Variants in DAB1 observed in about 807,000 individuals in gnomAD.
DAB1 encodes the protein DAB adaptor protein 1.
DAB1 carries 15 observed loss-of-function variants against 64.6 expected under a neutral mutation model. The observed-to-expected ratio is 0.23, with a 90% CI of 0.16 to 0.36. The LOEUF is 0.36. Among genes scored for constraint, DAB1 ranks in the 10% least tolerant of loss-of-function variants. DAB1 has a pLI of 1.00. For synonymous variants in DAB1, 235 were observed against 251.9 expected, an observed-to-expected ratio of 0.93 and a Z score of 0.64; for missense variants, 596 against 706.7, an observed-to-expected ratio of 0.84 and a Z score of 1.78.
chr1:57,237,976 G>C (rs545153330), intron 2 of DAB1, among the ~76,000 whole-genome samples: 125 of 152,144 alleles, frequency 8.2e-4, no homozygotes, highest in Non-Finnish European at 1.3e-3. Context: ...CAAGAAGATG[G>C]GGAACCAAGC....
chr1:57,838,872 G>A (rs1652927960), intron 1 of DAB1, among the ~76,000 whole-genome samples: 1 of 151,624 alleles, frequency 6.6e-6, no homozygotes, highest in African/African-American at 2.4e-5. Flanking sequence ...GAGGTCCTGG[G>A]CTCAAGCAAT....
At chr1:57,072,979 A>C (rs1651650499) in intron 4 of DAB1, among the ~76,000 whole-genome samples, 1 of 152,194 alleles carries the variant, frequency 6.6e-6, no homozygotes, top group African/African-American at 2.4e-5. Context: ...TGCATATCTC[A>C]GGCTTTTCAT....
intron 7 of DAB1, among the ~76,000 whole-genome samples, chr1:57,520,826 G>A (rs1280740337): frequency 6.6e-6 from 1 of 152,022 alleles, no homozygotes; most frequent in Non-Finnish European, 1.5e-5. Flanking sequence ...AGGCTGGAAA[G>A]TCAGGGAAAG....
At chr1:57,487,748 G>C (rs1644110076) in intron 7 of DAB1, among the ~76,000 whole-genome samples, 1 of 152,144 alleles carries the variant, frequency 6.6e-6, no homozygotes, top group Admixed American at 6.5e-5. Flanking sequence ...TACACTCTAT[G>C]ATGTTTGTAT....
intron 7 of DAB1, among the ~76,000 whole-genome samples, chr1:57,552,826 T>C (rs986270104): frequency 4.6e-5 from 7 of 152,048 alleles, no homozygotes; most frequent in Non-Finnish European, 5.9e-5. Context: ...AGAGGCCTGA[T>C]GGGGGAAGAA....
intron 7 of DAB1, among the ~76,000 whole-genome samples, chr1:57,635,926 A>T (rs1393130059): frequency 3.3e-5 from 5 of 151,666 alleles, no homozygotes; most frequent in Admixed American, 6.6e-5. Flanking sequence ...AAACCCCGTC[A>T]CTACTAAAAA....
At chr1:58,145,338 T>C (rs558544011) in intron 5 of DAB1, among the ~76,000 whole-genome samples, 5 of 152,296 alleles carry the variant, frequency 3.3e-5, no homozygotes, top group African/African-American at 1.2e-4. Context: ...TTTTGTTGAA[T>C]TGAACTGGTG....
At chr1:58,368,423 A>G (rs923772306) in intron 3 of DAB1, among the ~76,000 whole-genome samples, 9 of 152,300 alleles carry the variant, frequency 5.9e-5, no homozygotes, top group Middle Eastern at 3.4e-3. Context: ...CTAGCAGAAG[A>G]GCTGGGCAAG....
At chr1:58,438,975 G>A (rs980698061) in intron 3 of DAB1, among the ~76,000 whole-genome samples, 1 of 152,142 alleles carries the variant, frequency 6.6e-6, no homozygotes, top group Non-Finnish European at 1.5e-5. Flanking sequence ...TGTGACGTAG[G>A]GAGGGTGGCA....
At chr1:57,539,138 C>T (rs901885723) in intron 7 of DAB1, among the ~76,000 whole-genome samples, 15 of 152,190 alleles carry the variant, frequency 9.9e-5, no homozygotes, top group African/African-American at 3.6e-4. Flanking sequence ...GAATCAATAT[C>T]AGCTCAGCCA....
intron 3 of DAB1, among the ~76,000 whole-genome samples, chr1:58,496,935 A>G (rs1645812570): frequency 6.6e-6 from 1 of 152,154 alleles, no homozygotes; most frequent in Non-Finnish European, 1.5e-5. Context: ...TGCTGGCCAC[A>G]AGGAAGAAAA....
At chr1:57,212,610 A>G (rs989753128) in intron 2 of DAB1, among the ~76,000 whole-genome samples, 1 of 151,200 alleles carries the variant, frequency 6.6e-6, no homozygotes, top group Non-Finnish European at 1.5e-5. Context: ...CTCGTGACCC[A>G]CCCGCCTCGG....
chr1:57,619,485 C>T (rs926803311), intron 7 of DAB1, among the ~76,000 whole-genome samples: 1 of 152,146 alleles, frequency 6.6e-6, no homozygotes, highest in African/African-American at 2.4e-5. Context: ...ACTGAAGCCT[C>T]AAACTCCTGG....
intron 1 of DAB1, among the ~76,000 whole-genome samples, chr1:57,313,808 T>C (rs932157573): frequency 6.6e-6 from 1 of 152,212 alleles, no homozygotes; most frequent in African/African-American, 2.4e-5. Flanking sequence ...CCTAGGATGA[T>C]GGAATTTGGA....
intron 4 of DAB1, among the ~76,000 whole-genome samples, chr1:58,155,811 G>A (rs1402538603): frequency 1.3e-5 from 2 of 152,176 alleles, no homozygotes; most frequent in Admixed American, 6.5e-5. Context: ...TAGCAGGCAC[G>A]TATTCAATAA....
At chr1:57,135,619 C>CT (rs1224577880) in intron 4 of DAB1, among the ~76,000 whole-genome samples, 1 of 152,046 alleles carries the variant, frequency 6.6e-6, no homozygotes, top group Non-Finnish European at 1.5e-5. Context: ...TTTTCTATAC[C>CT]TTTTTTCTTC....
intron 2 of DAB1, among the ~76,000 whole-genome samples, chr1:58,522,534 T>G (rs1400679709): frequency 6.6e-6 from 1 of 152,174 alleles, no homozygotes; most frequent in African/African-American, 2.4e-5. Context: ...TCACCAACTT[T>G]GTACTAAAGT....
rs190812747 is a variant in DAB1 at position 57,168,017 on chromosome 1, G to A, written c.68-22588C>T. On this transcript the variant is annotated intron_variant, in intron 2 of 14. Transcript: ENST00000371236. Reference sequence around the variant, plus strand: ...TCTTCTTTTCCTTAAAATCCCCCTAGCAGAGATTGTAAAAGTTGCAGATAA... The same window carrying A: ...TCTTCTTTTCCTTAAAATCCCCCTAACAGAGATTGTAAAAGTTGCAGATAA... 2.0e-5 allele frequency among the ~76,000 whole-genome samples: 3 copies of A among 152,224 alleles called. No homozygotes were observed. In the East Asian group the frequency reaches 5.8e-4, roughly 29 times the overall value.
chr1:58,499,019 T>G (rs531006123), intron 3 of DAB1, among the ~76,000 whole-genome samples: 1 of 152,214 alleles, frequency 6.6e-6, no homozygotes, highest in South Asian at 2.1e-4. Context: ...AACAAACCTA[T>G]AAAAACATTT....
Sources: gnomAD v4.1 joint callset for allele counts (sites outside exome capture counted in the v4.1 genomes callset) on GRCh38, gnomAD v4.1.1 for gene constraint, MANE v1.5 for transcripts, NCBI Gene and HGNC (gene_info 2026-07-23, HGNC 2026-07-21) for gene names.